TMEM156: variants seen among roughly 807,000 people sequenced by gnomAD.
TMEM156 encodes the protein transmembrane protein 156.
In TMEM156, 28 loss-of-function variants were observed where a neutral mutation model predicts 30.5. The observed-to-expected ratio is 0.92, with a 90% CI of 0.68 to 1.26. The LOEUF (loss-of-function observed/expected upper bound fraction) is 1.26. TMEM156 is among the 50% of genes most tolerant of loss of function. The probability of loss-of-function intolerance (pLI) is 0.00; values close to 1 mark genes in which losing one functional copy is unlikely to be tolerated. For synonymous variants in TMEM156, 137 were observed against 119.9 expected (o/e 1.14, Z -0.93); for missense variants, 351 against 340.6 (o/e 1.03, Z -0.24).
intron 1 of TMEM156, among the ~76,000 whole-genome samples, chr4:39,026,873 G>A (rs917718525): frequency 6.6e-6 from 1 of 152,088 alleles, no homozygotes; most frequent in South Asian, 2.1e-4. Flanking sequence ...GTTGCAGTGA[G>A]CCGAGATCAC....
intron 6 of TMEM156, among the ~76,000 whole-genome samples, chr4:38,970,219 C>G (rs561727234): frequency 2.0e-5 from 3 of 152,014 alleles, no homozygotes; most frequent in African/African-American, 7.2e-5. Flanking sequence ...TTTCTTTCCC[C>G]TTTAGTCTTA....
At position 39,030,994 on chromosome 4, in the gene TMEM156, C is replaced by A. The variant is rs566446191; in HGVS notation, c.88+1232G>T. Among the ~76,000 whole-genome samples the A allele has an allele frequency of 2.0e-4, 31 of 152,302 alleles. No homozygotes were observed. The South Asian group carries it at 6.2e-3, about 31-fold the overall frequency. On this transcript the variant is annotated intron_variant, in intron 1 of 6. Transcript: ENST00000381938. ...ATATTTTTAACTCGCTACTTAGCAT[C>A]ATGTAAATGCAACATCAAATAATCA...
intron 2 of TMEM156, among the ~76,000 whole-genome samples, 187 bp from the exon 3 acceptor site, chr4:38,994,185 C>T (rs776185391): frequency 5.9e-5 from 9 of 152,054 alleles, no homozygotes; most frequent in African/African-American, 9.7e-5. Flanking sequence ...AGTGCAGTGG[C>T]GTAATCATGG....
chr4:39,026,525 T>G (rs1560388655), intron 1 of TMEM156, among the ~76,000 whole-genome samples: 1 of 152,200 alleles, frequency 6.6e-6, no homozygotes, highest in Non-Finnish European at 1.5e-5. Flanking sequence ...AAAAGCGTTA[T>G]ATTTAACACA....
At chr4:38,992,067 C>T (rs2109946497) in intron 3 of TMEM156, among the ~76,000 whole-genome samples, 1 of 152,252 alleles carries the variant, frequency 6.6e-6, no homozygotes, top group African/African-American at 2.4e-5. Context: ...AAAATGCGTG[C>T]ACATTATATA....
intron 1 of TMEM156, among the ~76,000 whole-genome samples, chr4:39,016,029 T>G (rs1005680393): frequency 6.6e-6 from 1 of 152,198 alleles, no homozygotes; most frequent in Admixed American, 6.5e-5. Context: ...AATGGACTAA[T>G]ACATTAACAT....
chr4:39,020,390 G>A (rs936223287), intron 1 of TMEM156, among the ~76,000 whole-genome samples: 2 of 151,968 alleles, frequency 1.3e-5, no homozygotes, highest in Non-Finnish European at 2.9e-5. Flanking sequence ...GGGATTGCTG[G>A]GCGATATGGT....
At chr4:39,023,003 T>G (rs1012865253) in intron 1 of TMEM156, among the ~76,000 whole-genome samples, 4 of 152,196 alleles carry the variant, frequency 2.6e-5, no homozygotes, top group Non-Finnish European at 5.9e-5. Context: ...ACTAACCGTT[T>G]GTGTACCCCT....
chr4:39,026,235 C>CT (rs1397175276), intron 1 of TMEM156, among the ~76,000 whole-genome samples: 4 of 152,008 alleles, frequency 2.6e-5, no homozygotes, highest in East Asian at 3.9e-4. Context: ...TAGAGAAAGT[C>CT]TTTTTTTTCT....
intron 5 of TMEM156, among the ~76,000 whole-genome samples, chr4:38,976,289 CAAAAAAAAAAAAA>C (rs34271253): frequency 1.5e-4 from 11 of 74,316 alleles, no homozygotes; most frequent in Admixed American, 8.2e-4. Flanking sequence ...GACTCCGTCT[CAAAAAAAAAAAAA>C]AAAAAAAAAG....
intron 1 of TMEM156, among the ~76,000 whole-genome samples, chr4:39,021,475 A>G (rs1480082953): frequency 1.3e-5 from 2 of 152,164 alleles, no homozygotes; most frequent in East Asian, 3.8e-4. Flanking sequence ...ACTCTTCACT[A>G]TCCTTTGCCC....
intron 5 of TMEM156, among the ~76,000 whole-genome samples, chr4:38,983,361 T>G (rs536982637): frequency 6.6e-6 from 1 of 152,284 alleles, no homozygotes; most frequent in East Asian, 1.9e-4. Flanking sequence ...CCCAACATGG[T>G]CAACTCATTA....
chr4:39,021,684 T>C (rs987721215), intron 1 of TMEM156, among the ~76,000 whole-genome samples: 1 of 152,244 alleles, frequency 6.6e-6, no homozygotes, highest in Non-Finnish European at 1.5e-5. Context: ...TTGCCTGTTT[T>C]ATGGGTCATA....
chr4:38,984,512 T>C (rs908606535), intron 5 of TMEM156, among the ~76,000 whole-genome samples: 3 of 152,094 alleles, frequency 2.0e-5, no homozygotes, highest in Admixed American at 6.6e-5. Flanking sequence ...ACATTTTTTT[T>C]TTCTACCCGT....
At chr4:38,981,847 G>A (rs1374837562) in intron 5 of TMEM156, among the ~76,000 whole-genome samples, 1 of 152,194 alleles carries the variant, frequency 6.6e-6, no homozygotes, top group African/African-American at 2.4e-5. Context: ...GGCAAGGACT[G>A]TGCCTATGGT....
At chr4:38,991,115 A>G (rs1293334165) in intron 3 of TMEM156, among the ~76,000 whole-genome samples, 1 of 151,400 alleles carries the variant, frequency 6.6e-6, no homozygotes, top group Non-Finnish European at 1.5e-5. Flanking sequence ...GATTACAGGC[A>G]TGACCCACCT....
At chr4:39,002,671 T>C (rs1713451124) in intron 1 of TMEM156, among the ~76,000 whole-genome samples, 2 of 149,690 alleles carry the variant, frequency 1.3e-5, no homozygotes, top group Admixed American at 1.3e-4. Flanking sequence ...TAAGAAAATG[T>C]GGCACATATA....
intron 1 of TMEM156, among the ~76,000 whole-genome samples, chr4:39,002,341 C>G (rs1320600263): frequency 6.6e-6 from 1 of 151,990 alleles, no homozygotes; most frequent in Non-Finnish European, 1.5e-5. Flanking sequence ...GAGATACCAT[C>G]TCACACCAGT....
intron 2 of TMEM156, among the ~76,000 whole-genome samples, chr4:38,997,167 A>C (rs1289104656): frequency 6.6e-6 from 1 of 152,156 alleles, no homozygotes; most frequent in South Asian, 2.1e-4. Context: ...AACACTTCCT[A>C]GTTCTCTGTC....
Sources: allele counts gnomAD v4.1 joint callset (sites outside exome capture counted in the v4.1 genomes callset), GRCh38; gene constraint gnomAD v4.1.1; transcripts MANE v1.5; gene names NCBI Gene and HGNC (gene_info 2026-07-23, HGNC 2026-07-21).